Variants in KCNAB1 observed in about 807,000 individuals in gnomAD.
The protein encoded by KCNAB1 is voltage-gated potassium channel subunit beta-1.
A neutral mutation model predicts 64.6 loss-of-function variants in KCNAB1; 35 were observed. That is an observed-to-expected ratio of 0.54 (90% CI 0.41 to 0.72). The LOEUF is 0.72. KCNAB1 is among the 30% of genes least tolerant of loss of function. The pLI is 0.00. For synonymous variants in KCNAB1, 177 were observed against 183.8 expected (o/e 0.96, Z 0.30); for missense variants, 401 against 512.9 (o/e 0.78, Z 2.11).
chr3:156,229,853 TA>T (rs1443085227), intron 1 of KCNAB1, among the ~76,000 whole-genome samples: 1 of 152,156 alleles, frequency 6.6e-6, no homozygotes. Context: ...AATTATAATT[TA>T]AAAAGTTTTT....
At chr3:156,503,552 CTGTT>C (rs1278508653) in intron 8 of KCNAB1, among the ~76,000 whole-genome samples, 1 of 152,162 alleles carries the variant, frequency 6.6e-6, no homozygotes. Context: ...CTGTGTCTGT[CTGTT>C]TGGGAGAAAT....
chr3:156,318,408 A>T (rs1722436158), intron 1 of KCNAB1, among the ~76,000 whole-genome samples: 1 of 152,182 alleles, frequency 6.6e-6, no homozygotes, highest in South Asian at 2.1e-4. Flanking sequence ...AAAGGAGCAG[A>T]CCACATGCCC....
At chr3:156,178,183 G>A (rs1364152127) in intron 1 of KCNAB1, among the ~76,000 whole-genome samples, 3 of 152,186 alleles carry the variant, frequency 2.0e-5, no homozygotes, top group African/African-American at 7.2e-5. Flanking sequence ...AGCTTTCCGT[G>A]TTCCTGTGAA....
At chr3:156,222,050 T>G (rs1010019627) in intron 1 of KCNAB1, among the ~76,000 whole-genome samples, 2 of 152,104 alleles carry the variant, frequency 1.3e-5, no homozygotes, top group African/African-American at 4.8e-5. Flanking sequence ...ACAAAAAGCA[T>G]GATGAATAGA....
At chr3:156,350,109 T>C (rs982043778) in intron 1 of KCNAB1, among the ~76,000 whole-genome samples, 2 of 152,230 alleles carry the variant, frequency 1.3e-5, no homozygotes, top group Non-Finnish European at 2.9e-5. Flanking sequence ...TATGCTGTTG[T>C]TACCTGTGTC....
intron 1 of KCNAB1, among the ~76,000 whole-genome samples, chr3:156,306,980 C>T (rs918738903): frequency 3.9e-5 from 6 of 152,098 alleles, no homozygotes; most frequent in Admixed American, 1.3e-4. Context: ...TGGAGGGAGG[C>T]GGTGAGGGAG....
chr3:156,503,701 C>T (rs1256251074), intron 8 of KCNAB1, among the ~76,000 whole-genome samples: 2 of 151,890 alleles, frequency 1.3e-5, no homozygotes, highest in African/African-American at 4.8e-5. Flanking sequence ...ATCACAGGGG[C>T]AATGCCACAA....
At chr3:156,291,709 T>C in intron 1 of KCNAB1, 3 of 1,427,532 alleles carry the variant, frequency 2.1e-6, no homozygotes, top group South Asian at 1.5e-5. Flanking sequence ...CCGGGGACTC[T>C]TTCCTGCATC....
intron 1 of KCNAB1, among the ~76,000 whole-genome samples, chr3:156,135,502 C>G (rs763625967): frequency 2.0e-5 from 3 of 152,124 alleles, no homozygotes; most frequent in Non-Finnish European, 4.4e-5. Context: ...TGTCTATTAC[C>G]TTATTTGTAA....
chr3:156,326,557 T>C (rs996092785), intron 1 of KCNAB1, among the ~76,000 whole-genome samples: 2 of 152,184 alleles, frequency 1.3e-5, no homozygotes, highest in African/African-American at 4.8e-5. Context: ...CTATGAGATC[T>C]GGCATCTAGC....
intron 1 of KCNAB1, among the ~76,000 whole-genome samples, chr3:156,219,941 C>G (rs1047869196): frequency 1.3e-5 from 2 of 151,536 alleles, no homozygotes; most frequent in Non-Finnish European, 2.9e-5. Context: ...TTGTTTGACT[C>G]CCACCTGTGA....
chr3:156,443,921 G>A (rs1473927366), intron 2 of KCNAB1, among the ~76,000 whole-genome samples: 1 of 152,154 alleles, frequency 6.6e-6, no homozygotes, highest in Non-Finnish European at 1.5e-5. Context: ...AGGTGTGAAA[G>A]CATCCCACCC....
chr3:156,339,954 T>C (rs1023429620), intron 1 of KCNAB1, among the ~76,000 whole-genome samples: 1 of 152,258 alleles, frequency 6.6e-6, no homozygotes, highest in Non-Finnish European at 1.5e-5. Context: ...TGGTAGATCA[T>C]AATATTTGTT....
intron 1 of KCNAB1, among the ~76,000 whole-genome samples, chr3:156,412,742 G>C (rs1454222428): frequency 1.3e-5 from 2 of 151,690 alleles, no homozygotes; most frequent in Non-Finnish European, 2.9e-5. Context: ...CCAGGAGCTA[G>C]CTATCTGTCA....
intron 1 of KCNAB1, among the ~76,000 whole-genome samples, chr3:156,235,292 G>A (rs1186241172): frequency 2.6e-5 from 4 of 152,146 alleles, no homozygotes; most frequent in Non-Finnish European, 5.9e-5. Flanking sequence ...TTCATATCTG[G>A]CATCACAACC....
intron 1 of KCNAB1, among the ~76,000 whole-genome samples, chr3:156,258,648 A>G (rs1576652744): frequency 6.6e-6 from 1 of 152,326 alleles, no homozygotes; most frequent in African/African-American, 2.4e-5. Flanking sequence ...AGAATTAAGA[A>G]TGATTACAGG....
At chr3:156,235,923 A>C (rs1716822936) in intron 1 of KCNAB1, among the ~76,000 whole-genome samples, 1 of 152,204 alleles carries the variant, frequency 6.6e-6, no homozygotes, top group African/African-American at 2.4e-5. Context: ...CAAAAGGTAC[A>C]TATAGTCTAA....
chr3:156,302,384 C>T (rs1396158221), intron 1 of KCNAB1, among the ~76,000 whole-genome samples: 2 of 152,116 alleles, frequency 1.3e-5, no homozygotes, highest in African/African-American at 2.4e-5. Flanking sequence ...TACAGCCTGC[C>T]ACCCATATCA....
chr3:156,251,395 A>G (rs570627470), intron 1 of KCNAB1, among the ~76,000 whole-genome samples: 4 of 152,344 alleles, frequency 2.6e-5, no homozygotes, highest in African/African-American at 9.6e-5. Flanking sequence ...GTGAAAGGAT[A>G]ATGAGGAAAG....
Sources: gnomAD v4.1 joint callset for allele counts (sites outside exome capture counted in the v4.1 genomes callset) on GRCh38, gnomAD v4.1.1 for gene constraint, MANE v1.5 for transcripts, NCBI Gene and HGNC (gene_info 2026-07-23, HGNC 2026-07-21) for gene names.